MYH9: variants seen among roughly 807,000 people sequenced by gnomAD.
MYH9 encodes the protein myosin heavy chain 9, also known as myosin-9.
In MYH9, 29 loss-of-function variants were observed where a neutral mutation model predicts 241.9. The ratio of observed to expected loss-of-function variants is 0.12; its 90% CI spans 0.09 to 0.16. MYH9 has a LOEUF of 0.16. Ranked by LOEUF, MYH9 falls within the 10% of genes least tolerant of loss-of-function variation. The pLI is 1.00. For synonymous variants in MYH9, 1,047 were observed against 1,062.6 expected (o/e 0.99, Z 0.29); for missense variants, 1,803 against 2,595.5 (o/e 0.69, Z 6.63).
At chr22:36,312,376 T>C (rs1007237995) in intron 13 of MYH9, among the ~76,000 whole-genome samples, 154 bp from the exon 14 acceptor site, 1 of 152,190 alleles carries the variant, frequency 6.6e-6, no homozygotes, top group South Asian at 2.1e-4. Flanking sequence ...TGAAGATTTC[T>C]AGCTTCTAAA....
chr22:36,381,383 G>A (rs1484680209), intron 1 of MYH9, among the ~76,000 whole-genome samples: 3 of 151,934 alleles, frequency 2.0e-5, no homozygotes, highest in East Asian at 3.9e-4. Context: ...TGGGCATAGT[G>A]GCGCACACCT....
intron 2 of MYH9, among the ~76,000 whole-genome samples, chr22:36,344,653 G>A (rs935562548): frequency 2.0e-5 from 3 of 152,214 alleles, no homozygotes; most frequent in Non-Finnish European, 4.4e-5. Flanking sequence ...AAAAATGAGA[G>A]TTAATGCCTC....
Position 36,333,497 on chromosome 22 carries a change from G to C in MYH9, c.491-6009C>G, listed in dbSNP as rs551893074. ...GACATCCTGAGCCCCCATCAGTACT[G>C]TCTGTTTGCCAAAAGAAAACCTGGG... On this transcript the variant is annotated intron_variant, in intron 3 of 40. Transcript: ENST00000216181. Among the ~76,000 whole-genome samples, 29 of 152,304 alleles carry C rather than the reference G, an allele frequency of 1.9e-4. No individual in the cohort carries two copies. In the South Asian group the frequency reaches 2.7e-3, roughly 14 times the overall value.
At chr22:36,313,046 C>A (rs563169050) in intron 13 of MYH9, among the ~76,000 whole-genome samples, 4 of 149,572 alleles carry the variant, frequency 2.7e-5, no homozygotes, top group Admixed American at 2.7e-4. Context: ...GCCGAGAGCA[C>A]GCCATTGCAC....
chr22:36,306,404 G>T lies in MYH9; in HGVS notation c.2037+10C>A. 1 of 1,614,010 alleles carries T rather than the reference G, an allele frequency of 6.2e-7. No homozygotes were observed. Among genetic ancestry groups the T allele is most frequent in the Non-Finnish European group, 8.5e-7 (1 of 1,180,026 alleles). The stretch of plus-strand genomic sequence containing the variant: ...TGCCCTGCCCGGGCCACCCCACCAG[G>T]CAGCCGCACCTTCTTCTCGTGGTTG... On this transcript the variant is annotated intron_variant, in intron 16 of 40. Coordinates refer to ENST00000216181, the MANE Select transcript of MYH9 (RefSeq NM_002473.6). This position sits in a 1 kb window ranked among gnomAD's most constrained non-coding sequence, Gnocchi z 4.1.
At chr22:36,328,211 G>A (rs1007164918) in intron 3 of MYH9, among the ~76,000 whole-genome samples, 13 of 152,172 alleles carry the variant, frequency 8.5e-5, no homozygotes, top group South Asian at 2.1e-4. Flanking sequence ...TTCTCTAGCC[G>A]GGTGTCAGGA....
In MYH9 at chr22:36,318,312, C is replaced by G. The variant is rs1484756888; in HGVS notation, c.1122G>C (p.Val374=). 1 of 1,614,014 alleles carries G rather than the reference C, an allele frequency of 6.2e-7. No individual in the cohort carries two copies. Among genetic ancestry groups the G allele is most frequent in the East Asian group, 2.2e-5 (1 of 44,888 alleles). Residue 374 remains valine, a synonymous_variant, in exon 11 of 41, where the codon GTG becomes GTC. Coordinates refer to ENST00000216181, the MANE Select transcript of MYH9 (RefSeq NM_002473.6). ...TCACATTGATACCCAAGAGATGGGA[C>G]ACCTTTTGGGCAGCTAAGATTTTTC... is the stretch of plus-strand genomic sequence containing the variant. ...SMPDNTAAQK[V]SHLLGINVTD...
At chr22:36,282,874 G>C (rs1339232229) in intron 40 of MYH9, 89 bp from the exon 41 acceptor site, 1 of 1,199,034 alleles carries the variant, frequency 8.3e-7, no homozygotes, top group African/African-American at 1.5e-5. Context: ...AAGTGAATTC[G>C]AGAGGGAAAC....
chr22:36,343,657 T>C (rs546492668), intron 2 of MYH9, among the ~76,000 whole-genome samples: 92 of 152,036 alleles, frequency 6.1e-4, no homozygotes, highest in Non-Finnish European at 1.3e-3. Flanking sequence ...CTGGGATAAT[T>C]AGTCACTTGT....
chr22:36,315,626 T>TA (rs1238273508), intron 12 of MYH9, among the ~76,000 whole-genome samples: 1 of 151,924 alleles, frequency 6.6e-6, no homozygotes, highest in Non-Finnish European at 1.5e-5. Flanking sequence ...CACATGCCTG[T>TA]AGTACCAGCT....
intron 1 of MYH9, among the ~76,000 whole-genome samples, chr22:36,383,563 C>T (rs1437912505): frequency 6.6e-6 from 1 of 152,068 alleles, no homozygotes; most frequent in Non-Finnish European, 1.5e-5. Flanking sequence ...AGAAAGAACA[C>T]CGAGCTAGAA....
intron 1 of MYH9, among the ~76,000 whole-genome samples, chr22:36,349,762 A>G (rs935380726): frequency 1.3e-5 from 2 of 152,198 alleles, no homozygotes; most frequent in African/African-American, 2.4e-5. Flanking sequence ...GGTAAGGTGT[A>G]TCGCCCTAGG....
Position 36,304,207 on chromosome 22 carries a change from A to G in MYH9, c.2230-52T>C, listed in dbSNP as rs9619602. On this transcript the variant is annotated intron_variant, in intron 18 of 40. Transcript: ENST00000216181. ...CTGGCCAGCAACTGGCCACAGCTCC[A>G]TGAAAGGGTGGCCCAGGCACAGCTG... 1.8e-3 allele frequency: 2,817 copies of G among 1,602,190 alleles called. 40 individuals carry two copies. In the African/African-American group the frequency reaches 0.026, roughly 15 times the overall value.
At chr22:36,350,269 G>A (rs2017744304) in intron 1 of MYH9, among the ~76,000 whole-genome samples, 1 of 152,240 alleles carries the variant, frequency 6.6e-6, no homozygotes, top group Admixed American at 6.5e-5. Flanking sequence ...TGGGGACACT[G>A]GCTCAGGCCT....
In MYH9 at chr22:36,295,145, C is replaced by G. The variant is rs921699919; in HGVS notation, c.3486-69G>C. 8 of 1,609,584 alleles carry G rather than the reference C, an allele frequency of 5.0e-6. No individual in the cohort carries two copies. The highest frequency in any genetic ancestry group is 6.8e-6 in the Non-Finnish European group (8 of 1,177,508). On this transcript the variant is annotated intron_variant, in intron 26 of 40. Coordinates refer to ENST00000216181, the MANE Select transcript of MYH9 (RefSeq NM_002473.6). This position sits in a 1 kb window ranked among gnomAD's most constrained non-coding sequence, Gnocchi z 4.1. ...AGCGAGGCTGTCCCTGGGGCTCTTC[C>G]CTGACCAAAGAGAGGCCTGGCCAGG...
intron 18 of MYH9, 60 bp downstream of exon 18, chr22:36,304,972 TG>T: frequency 6.5e-7 from 1 of 1,540,826 alleles, no homozygotes; most frequent in African/African-American, 1.4e-5. Flanking sequence ...CCTGGCCACG[TG>T]GGCACTCCCC....
In MYH9 at chr22:36,305,149, T is replaced by A; in HGVS notation, c.2160-47A>T. On this transcript the variant is annotated intron_variant, in intron 17 of 40. Coordinates refer to ENST00000216181, the MANE Select transcript of MYH9 (RefSeq NM_002473.6). The surrounding 1 kb of genome is among the most constrained non-coding windows in gnomAD (Gnocchi z 4.7). ...TGGTCATTTTACCCATTGCCTCGAT[T>A]CCACATGCCTGGAATATAGGCGAGA... is the stretch of plus-strand genomic sequence containing the variant. The A allele has an allele frequency of 6.7e-7, 1 of 1,482,276 alleles. No individual in the cohort carries two copies. 91.8% of individuals were successfully genotyped at this position (1,482,276 alleles called of 1,614,324 possible). A position where few individuals can be genotyped will look rare whatever the true frequency, so the allele number is the denominator to read the frequency against.
At chr22:36,297,442 T>C (rs968463442) in intron 24 of MYH9, 24 of 169,470 alleles carry the variant, frequency 1.4e-4, no homozygotes, top group Non-Finnish European at 2.4e-4. Flanking sequence ...GTGATGTCAC[T>C]TGGGAAAGCT....
At position 36,326,812 on chromosome 22, in the gene MYH9, C is replaced by A. The variant is rs576018450; in HGVS notation, c.519-151G>T. ...AGAAAACGGGACTGCCACATAAACG[C>A]TCTGGAATCCTCAGGCAGTTCACTT... On this transcript the variant is annotated intron_variant, in intron 4 of 40. Transcript: ENST00000216181. 1.8e-4 allele frequency: 131 copies of A among 721,398 alleles called. No individual in the cohort carries two copies. The African/African-American group carries it at 2.2e-3, about 12-fold the overall frequency. 44.7% of individuals were successfully genotyped at this position (721,398 alleles called of 1,614,324 possible). A position where few individuals can be genotyped will look rare whatever the true frequency, so the allele number is the denominator to read the frequency against.
Sources: gnomAD v4.1 joint callset for allele counts (sites outside exome capture counted in the v4.1 genomes callset) on GRCh38, gnomAD v4.1.1 for gene constraint, Gnocchi (gnomAD v3.1) non-coding constraint, MANE v1.5 for transcripts, NCBI Gene and HGNC (gene_info 2026-07-23, HGNC 2026-07-21) for gene names.